The following DNAJC13 variants were observed in gnomAD, a reference collection of about 807,000 sequenced individuals.
DNAJC13 encodes dnaJ homolog subfamily C member 13.
Under a neutral mutation model 290.5 loss-of-function variants are expected in DNAJC13, and 75 were observed. That is an observed-to-expected ratio of 0.26 (90% CI 0.21 to 0.31). DNAJC13 has a LOEUF of 0.31. Ranked by LOEUF, DNAJC13 falls within the 10% of genes least tolerant of loss-of-function variation. The pLI is 1.00. For synonymous variants in DNAJC13, 862 were observed against 892.0 expected (o/e 0.97, Z 0.60); for missense variants, 2,260 against 2,674.5 (o/e 0.85, Z 3.42).
intron 1 of DNAJC13, among the ~76,000 whole-genome samples, chr3:132,427,117 G>GTA (rs1467013568): frequency 2.5e-5 from 3 of 120,116 alleles, no homozygotes; most frequent in African/African-American, 3.9e-5. Flanking sequence ...GTGTGTGTGT[G>GTA]TGTATATATA....
intron 1 of DNAJC13, among the ~76,000 whole-genome samples, chr3:132,425,604 T>G (rs2107640994): frequency 6.6e-6 from 1 of 152,286 alleles, no homozygotes; most frequent in Middle Eastern, 3.4e-3. Flanking sequence ...GTTCTTGCAT[T>G]TTACAGACTC....
rs1313388782 is a variant in DNAJC13 at position 132,516,457 on chromosome 3, A to G, written c.5521A>G (p.Thr1841Ala). The G allele has an allele frequency of 6.2e-7, 1 of 1,613,862 alleles. No homozygotes were observed. Among genetic ancestry groups the G allele is most frequent in the South Asian group, 1.1e-5 (1 of 91,080 alleles). ...TGTTCTGGAAACTCTTTATGCTTTG[A>G]CATCGAGTACAAAAATAATCAAAGA... ...QLVLETLYAL[T>A]SSTKIIKEAM... Residue 1841 changes from threonine to alanine, a missense_variant, in exon 47 of 56, where the codon ACA becomes GCA. Physicochemically the swap from Thr to Ala is moderately conservative, Grantham distance 58 (BLOSUM62 0). Around this residue, in one of 3 missense-constraint regions of DNAJC13, gnomAD observed 1,494 missense variants for 1,693.7 expected, o/e 0.88. Transcript: ENST00000260818.
At position 132,479,131 on chromosome 3, in the gene DNAJC13, C is replaced by T. The variant is rs76402930; in HGVS notation, c.2710-96C>T. ...CCTTAATGTTTATAAAATGGCATTACTTCTTATGGGCTGTTGGTTTATTTT... is the reference window on the plus strand; with the variant it reads ...CCTTAATGTTTATAAAATGGCATTATTTCTTATGGGCTGTTGGTTTATTTT... On this transcript the variant is annotated intron_variant, in intron 24 of 55. Transcript: ENST00000260818. The T allele has an allele frequency of 3.7e-3, 2,391 of 639,392 alleles. 47 individuals are homozygous for T. In the African/African-American group the frequency reaches 0.038, roughly 10 times the overall value. 39.6% of individuals were successfully genotyped at this position (639,392 alleles called of 1,614,324 possible).
At chr3:132,446,422 AT>A in intron 2 of DNAJC13, 52 bp from the exon 3 acceptor site, 1 of 1,281,650 alleles carries the variant, frequency 7.8e-7, no homozygotes, top group Non-Finnish European at 1.1e-6. Context: ...ATATTTTCTT[AT>A]AAAATATCTT....
intron 1 of DNAJC13, among the ~76,000 whole-genome samples, chr3:132,425,501 C>T (rs936758466): frequency 2.0e-5 from 3 of 152,142 alleles, no homozygotes; most frequent in Non-Finnish European, 4.4e-5. Flanking sequence ...ACAGATCTGT[C>T]CATCTTTCCA....
At chr3:132,490,410 A>T (rs977796904) in intron 31 of DNAJC13, among the ~76,000 whole-genome samples, 2 of 152,214 alleles carry the variant, frequency 1.3e-5, no homozygotes, top group African/African-American at 4.8e-5. Context: ...AGTTAATTAT[A>T]ATTACTTTAA....
intron 55 of DNAJC13, among the ~76,000 whole-genome samples, chr3:132,533,314 G>A (rs1936481288): frequency 6.7e-6 from 1 of 149,354 alleles, no homozygotes; most frequent in Admixed American, 6.7e-5. Context: ...TTACAGGCGT[G>A]AGCCAGCATG....
At chr3:132,438,727 C>T (rs1932944392) in intron 2 of DNAJC13, among the ~76,000 whole-genome samples, 1 of 152,156 alleles carries the variant, frequency 6.6e-6, no homozygotes, top group Admixed American at 6.5e-5. Context: ...TCATTATTAC[C>T]TCACTTTATA....
At position 132,442,196 on chromosome 3, in the gene DNAJC13, G is replaced by C. The variant is rs561982868; in HGVS notation, c.69-4279G>C. Among the ~76,000 whole-genome samples, 24 of 151,654 alleles carry C rather than the reference G, an allele frequency of 1.6e-4. No homozygotes were observed. The South Asian group carries it at 4.0e-3, about 25-fold the overall frequency. The stretch of plus-strand genomic sequence containing the variant: ...TGTGTGTGTGTCTTTTTCAACATGG[G>C]GTCTGCCATCTTGCCCAGGCTGGTC... On this transcript the variant is annotated intron_variant, in intron 2 of 55. Transcript: ENST00000260818.
intron 38 of DNAJC13, among the ~76,000 whole-genome samples, chr3:132,500,580 T>G (rs1464025169): frequency 6.6e-6 from 1 of 152,214 alleles, no homozygotes; most frequent in Non-Finnish European, 1.5e-5. Flanking sequence ...GCCCATGGGT[T>G]GTAGTAGCTG....
intron 39 of DNAJC13, among the ~76,000 whole-genome samples, chr3:132,501,565 G>T (rs1935413947): frequency 6.7e-6 from 1 of 148,730 alleles, no homozygotes; most frequent in African/African-American, 2.5e-5. Context: ...GTGAGACTCT[G>T]TCTCAAAAAA....
Position 132,469,749 on chromosome 3 carries a change from CTT to C in DNAJC13, c.2208+2439_2208+2440del, listed in dbSNP as rs912568014. Among the ~76,000 whole-genome samples the C allele has an allele frequency of 1.4e-4, 22 of 151,762 alleles. 1 individual carries two copies. The highest frequency in any genetic ancestry group is 5.9e-4 in the Admixed American group (9 of 15,240). On this transcript the variant is annotated intron_variant, in intron 20 of 55. Coordinates refer to ENST00000260818, the MANE Select transcript of DNAJC13 (RefSeq NM_015268.4). The stretch of plus-strand genomic sequence containing the variant: ...TTGTAGGAAACATTTTCTTATATAA[CTT>C]TTAGGGTTTATATTTGAAATAATAT...
chr3:132,482,166 C>T (rs1934699254), intron 26 of DNAJC13, 60 bp from the exon 27 acceptor site: 9 of 1,433,948 alleles, frequency 6.3e-6, no homozygotes, highest in Non-Finnish European at 7.6e-6. Context: ...CTTTGTTTTA[C>T]GACATCTGGT....
At position 132,500,743 on chromosome 3, in the gene DNAJC13, G is replaced by A. The variant is rs540085183; in HGVS notation, c.4417-51G>A. Reference sequence around the variant, plus strand: ...GTTTGATTTCTATGTGTTAAATAAGGAATGCCTATGTGACTCTACTGGTTT... The same window carrying A: ...GTTTGATTTCTATGTGTTAAATAAGAAATGCCTATGTGACTCTACTGGTTT... On this transcript the variant is annotated intron_variant, in intron 38 of 55. Transcript: ENST00000260818. 2.6e-5 allele frequency: 42 copies of A among 1,604,242 alleles called. 1 individual carries two copies. The South Asian group carries it at 4.7e-4, about 18-fold the overall frequency.
At chr3:132,493,062 C>T (rs770619144) in intron 33 of DNAJC13, among the ~76,000 whole-genome samples, 37 of 152,136 alleles carry the variant, frequency 2.4e-4, no homozygotes, top group Admixed American at 9.2e-4. Context: ...CTTCAGTTCT[C>T]ATCTCTAAAA....
At position 132,450,861 on chromosome 3, in the gene DNAJC13, T is replaced by A. The variant is rs80328158; in HGVS notation, c.537+14T>A. ...TTTAGTAGATTGGTAAGTACTATTT[T>A]AAAAAAAAAAAACACTTTAAAAGGG... On this transcript the variant is annotated intron_variant, in intron 6 of 55. Coordinates refer to ENST00000260818, the MANE Select transcript of DNAJC13 (RefSeq NM_015268.4). 22,582 of 1,131,988 alleles carry A rather than the reference T, an allele frequency of 0.02. 275 individuals carry two copies. The highest frequency in any genetic ancestry group is 0.083 in the African/African-American group (5,044 of 60,530). The allele number at this position is 1,131,988 out of a possible 1,614,324, so 70.1% of individuals were successfully genotyped here.
intron 18 of DNAJC13, 62 bp downstream of exon 18, chr3:132,466,132 T>C: frequency 1.4e-6 from 2 of 1,473,696 alleles, no homozygotes; most frequent in South Asian, 1.1e-5. Context: ...ACAAGTTATC[T>C]GTACTGTTAA....
Position 132,538,374 on chromosome 3 carries a change from TC to T in DNAJC13, c.*94del. The stretch of plus-strand genomic sequence containing the variant: ...TTGAAGCAAACTCTTACTGCCTTTC[TC>T]CTGGTTTCATGACAGTGTTATTCCT... On this transcript the variant is annotated 3_prime_UTR_variant, in exon 56 of 56. Coordinates refer to ENST00000260818, the MANE Select transcript of DNAJC13 (RefSeq NM_015268.4). 1 of 931,626 alleles carries T rather than the reference TC, an allele frequency of 1.1e-6. No individual in the cohort carries two copies. Among genetic ancestry groups the T allele is most frequent in the Non-Finnish European group, 1.6e-6 (1 of 609,466 alleles). The allele number at this position is 931,626 out of a possible 1,614,324, so 57.7% of individuals were successfully genotyped here. A position where few individuals can be genotyped will look rare whatever the true frequency, so the allele number is the denominator to read the frequency against.
chr3:132,487,461 T>A (rs1934914945), intron 29 of DNAJC13, among the ~76,000 whole-genome samples: 2 of 151,614 alleles, frequency 1.3e-5, no homozygotes, highest in Admixed American at 6.6e-5. Flanking sequence ...TTTCACCATG[T>A]TGGCCAGGCT....
Sources: gnomAD v4.1 joint callset for allele counts (sites outside exome capture counted in the v4.1 genomes callset) on GRCh38, gnomAD v4.1.1 for gene constraint, gnomAD v4.1.1 regional missense constraint, MANE v1.5 for transcripts, NCBI Gene and HGNC (gene_info 2026-07-23, HGNC 2026-07-21) for gene names.